TACR3: variants seen among roughly 807,000 people sequenced by gnomAD.
The protein encoded by TACR3 is neuromedin-K receptor.
A neutral mutation model predicts 35.0 loss-of-function variants in TACR3; 34 were observed. That is an observed-to-expected ratio of 0.97 (90% CI 0.74 to 1.30). The LOEUF (loss-of-function observed/expected upper bound fraction) is 1.30. TACR3 is among the 50% of genes most tolerant of loss of function. The pLI is 0.00. For missense variants in TACR3, 558 were observed against 591.7 expected (o/e 0.94, Z 0.59); for synonymous variants, 233 against 221.1 (o/e 1.05, Z -0.48).
At chr4:103,620,208 C>A (rs563024268) in intron 3 of TACR3, among the ~76,000 whole-genome samples, 1 of 152,284 alleles carries the variant, frequency 6.6e-6, no homozygotes. Flanking sequence ...TCATCTTACA[C>A]CAGTCAGAAT....
At chr4:103,613,530 T>C (rs543045229) in intron 3 of TACR3, among the ~76,000 whole-genome samples, 2 of 151,864 alleles carry the variant, frequency 1.3e-5, no homozygotes, top group Admixed American at 1.3e-4. Context: ...GGTTTCACTA[T>C]ATTGGCCAGG....
chr4:103,719,374 A>C lies in TACR3; in HGVS notation c.302T>G (p.Leu101Trp). 1 of 1,614,222 alleles carries C rather than the reference A, an allele frequency of 6.2e-7. No homozygotes were observed. Among genetic ancestry groups the C allele is most frequent in the African/African-American group, 1.3e-5 (1 of 75,064 alleles). Residue 101 changes from leucine to tryptophan, a missense_variant, in exon 1 of 5, where the codon TTG (leucine) becomes TGG (tryptophan). By Grantham distance (61) the Leu-to-Trp change is moderately conservative. Coordinates refer to ENST00000304883, the MANE Select transcript of TACR3 (RefSeq NM_001059.3). ...GATCCAGATGACGATGAGATTTCCC[A>C]AAACTGCCACTGCCACCACCACACC... The part of the protein sequence containing the change: ...AYGVVVAVAV[L>W]GNLIVIWIIL...
At chr4:103,670,822 C>G (rs975509814) in intron 1 of TACR3, among the ~76,000 whole-genome samples, 7 of 151,940 alleles carry the variant, frequency 4.6e-5, no homozygotes, top group African/African-American at 1.4e-4. Flanking sequence ...TCTTGTCTAA[C>G]TACTCTGGCT....
chr4:103,641,714 T>C (rs866218204), intron 3 of TACR3, among the ~76,000 whole-genome samples: 5 of 151,962 alleles, frequency 3.3e-5, no homozygotes, highest in Non-Finnish European at 4.4e-5. Flanking sequence ...AGCCAAGATA[T>C]GTAATCAACC....
intron 3 of TACR3, among the ~76,000 whole-genome samples, chr4:103,597,158 T>A (rs9683814): frequency 0.6 from 79,176 of 131,710 alleles, 24,620 homozygotes; most frequent in Non-Finnish European, 0.63. Flanking sequence ...CTAGTTCTAG[T>A]TCCCTGAGGA....
At chr4:103,605,828 A>C (rs1172775918) in intron 3 of TACR3, among the ~76,000 whole-genome samples, 2 of 151,854 alleles carry the variant, frequency 1.3e-5, no homozygotes, top group Non-Finnish European at 2.9e-5. Context: ...CTTTAGTTTA[A>C]TTAGATCCCA....
At chr4:103,672,206 T>C (rs934795132) in intron 1 of TACR3, among the ~76,000 whole-genome samples, 4 of 152,122 alleles carry the variant, frequency 2.6e-5, no homozygotes, top group Non-Finnish European at 5.9e-5. Context: ...GTTACTTCCT[T>C]CACTGAAGTT....
chr4:103,616,815 GCATGTGCTTGTAGTCC>G lies in TACR3; in HGVS notation c.889-25148_889-25133del, dbSNP rs1724671148. On this transcript the variant is annotated intron_variant, in intron 3 of 4. Transcript: ENST00000304883. ...ATACAAAAATTAGCGGGGCATGGTGGCATGTGCTTGTAGTCCCAGCTACTCAGGAGGCTGAGGTGGG... is the reference window on the plus strand; with the variant it reads ...ATACAAAAATTAGCGGGGCATGGTGGCAGCTACTCAGGAGGCTGAGGTGGG... 2.0e-5 allele frequency among the ~76,000 whole-genome samples: 3 copies of G among 152,260 alleles called. No homozygotes were observed. The East Asian group carries it at 5.8e-4, about 29-fold the overall frequency.
intron 1 of TACR3, among the ~76,000 whole-genome samples, chr4:103,697,194 C>A (rs1191300365): frequency 6.6e-6 from 1 of 152,126 alleles, no homozygotes; most frequent in Non-Finnish European, 1.5e-5. Flanking sequence ...AGTAACCAAT[C>A]AGTGACAGAT....
intron 3 of TACR3, among the ~76,000 whole-genome samples, chr4:103,623,721 G>A (rs1381829416): frequency 2.6e-5 from 4 of 152,162 alleles, no homozygotes; most frequent in Admixed American, 6.6e-5. Context: ...CTAAATAAAT[G>A]TAAGTTGATT....
chr4:103,717,013 A>T (rs1023583672), intron 1 of TACR3, among the ~76,000 whole-genome samples: 3 of 152,176 alleles, frequency 2.0e-5, no homozygotes, highest in African/African-American at 7.2e-5. Flanking sequence ...ATACCACATC[A>T]TTCAGGTGTC....
At chr4:103,712,532 C>G (rs1722993229) in intron 1 of TACR3, among the ~76,000 whole-genome samples, 1 of 152,166 alleles carries the variant, frequency 6.6e-6, no homozygotes. Flanking sequence ...TAGAAGAAAA[C>G]CTAGGCAATA....
chr4:103,603,425 C>A (rs998688531), intron 3 of TACR3, among the ~76,000 whole-genome samples: 1 of 152,226 alleles, frequency 6.6e-6, no homozygotes, highest in Non-Finnish European at 1.5e-5. Context: ...TCTGGCACTC[C>A]CCAGTGAGAT....
intron 1 of TACR3, among the ~76,000 whole-genome samples, chr4:103,697,497 T>C (rs1722547118): frequency 6.6e-6 from 1 of 151,980 alleles, no homozygotes; most frequent in African/African-American, 2.4e-5. Flanking sequence ...CCATCTCGGT[T>C]CACTGCAAGC....
At chr4:103,646,144 G>T (rs1725450858) in intron 3 of TACR3, among the ~76,000 whole-genome samples, 1 of 152,044 alleles carries the variant, frequency 6.6e-6, no homozygotes, top group Non-Finnish European at 1.5e-5. Context: ...AAGCTTTGCA[G>T]CATGTCCTTA....
chr4:103,639,335 G>A (rs768013485), intron 3 of TACR3, among the ~76,000 whole-genome samples: 25 of 151,780 alleles, frequency 1.6e-4, no homozygotes, highest in East Asian at 1.9e-4. Context: ...GCAAACTATC[G>A]CCAGGACAAA....
In TACR3 at chr4:103,688,125, T is replaced by C. The variant is rs190626701; in HGVS notation, c.549-29722A>G. Among the ~76,000 whole-genome samples, 692 of 151,966 alleles carry C rather than the reference T, an allele frequency of 4.6e-3. 5 individuals are homozygous for C. Among genetic ancestry groups the C allele is most frequent in the African/African-American group, 0.015 (635 of 41,382 alleles). ...TACAAATATCTGATCTTTGACAAAC[T>C]TGAGAAAAACAAGAAATGGGGAAAG... On this transcript the variant is annotated intron_variant, in intron 1 of 4. Coordinates refer to ENST00000304883, the MANE Select transcript of TACR3 (RefSeq NM_001059.3).
chr4:103,640,473 G>T (rs1431209609), intron 3 of TACR3, among the ~76,000 whole-genome samples: 1 of 151,908 alleles, frequency 6.6e-6, no homozygotes, highest in African/African-American at 2.4e-5. Context: ...TTTCATTTGA[G>T]AAATGTCTGT....
At chr4:103,637,884 A>G (rs2110317053) in intron 3 of TACR3, among the ~76,000 whole-genome samples, 1 of 152,274 alleles carries the variant, frequency 6.6e-6, no homozygotes, top group Middle Eastern at 3.4e-3. Context: ...CTTACCAGGG[A>G]TGTGAAGGAC....
Sources: gnomAD v4.1 joint callset for allele counts (sites outside exome capture counted in the v4.1 genomes callset) on GRCh38, gnomAD v4.1.1 for gene constraint, MANE v1.5 for transcripts, NCBI Gene and HGNC (gene_info 2026-07-23, HGNC 2026-07-21) for gene names.